Variants in YPEL2 observed in about 807,000 individuals in gnomAD.
YPEL2 encodes the protein protein yippee-like 2.
YPEL2 carries 2 observed loss-of-function variants against 19.1 expected under a neutral mutation model. The observed-to-expected ratio is 0.10, with a 90% confidence interval of 0.04 to 0.33. The LOEUF is 0.33. YPEL2 is among the 10% of genes least tolerant of loss of function. The pLI, the probability that YPEL2 is intolerant of heterozygous loss-of-function variation, is 1.00. For missense variants in YPEL2, 66 were observed against 140.7 expected, an observed-to-expected ratio of 0.47 and a Z score of 2.68; for synonymous variants, 52 against 50.0, an observed-to-expected ratio of 1.04 and a Z score of -0.17.
chr17:59,359,294 C>T (rs959443421), intron 2 of YPEL2, among the ~76,000 whole-genome samples: 1 of 152,130 alleles, frequency 6.6e-6, no homozygotes, highest in African/African-American at 2.4e-5. Context: ...TCCTGAAAAC[C>T]TCATGTAAAT....
At chr17:59,341,566 G>A (rs2047731187) in intron 1 of YPEL2, among the ~76,000 whole-genome samples, 1 of 152,174 alleles carries the variant, frequency 6.6e-6, no homozygotes, top group Admixed American at 6.5e-5. Flanking sequence ...GGCGGAGGCA[G>A]GAGAATTGCT....
chr17:59,364,645 TCTCG>T (rs1183767712), intron 2 of YPEL2, among the ~76,000 whole-genome samples: 1 of 143,166 alleles, frequency 7.0e-6, no homozygotes, highest in Non-Finnish European at 1.5e-5. Flanking sequence ...TGAGACAGAG[TCTCG>T]CTCTATCACC....
intron 1 of YPEL2, among the ~76,000 whole-genome samples, chr17:59,343,376 G>T (rs948635253): frequency 1.3e-5 from 2 of 152,122 alleles, no homozygotes; most frequent in Non-Finnish European, 2.9e-5. Context: ...GGGTTGGGGG[G>T]ATCTGGAAGG....
At chr17:59,358,676 C>T (rs1172607609) in intron 2 of YPEL2, among the ~76,000 whole-genome samples, 2 of 152,032 alleles carry the variant, frequency 1.3e-5, no homozygotes, top group African/African-American at 4.8e-5. Context: ...GTGGCACAAT[C>T]TTGACTTACC....
At chr17:59,332,841 C>T (rs1018069195) in intron 1 of YPEL2, among the ~76,000 whole-genome samples, 1 of 152,176 alleles carries the variant, frequency 6.6e-6, no homozygotes, top group Non-Finnish European at 1.5e-5. Context: ...TGCTTTCTGG[C>T]CTCCTTGCTG....
intron 1 of YPEL2, among the ~76,000 whole-genome samples, chr17:59,335,051 TG>T (rs2047692211): frequency 1.3e-5 from 2 of 152,206 alleles, no homozygotes; most frequent in Non-Finnish European, 2.9e-5. Context: ...TGCATTCCCC[TG>T]AGCATAAAAA....
In YPEL2 at chr17:59,363,311, C is replaced by CT. The variant is rs561707297; in HGVS notation, c.117+9799dup. On this transcript the variant is annotated intron_variant, in intron 2 of 4. Transcript: ENST00000312655. ...CTAAAGACTTACCCTTTTTTTTTTT[C>CT]TTTTTTTTTTTTTTGAGATGGAGTC... The CT allele has an allele frequency of 4.8e-3, 643 of 135,150 alleles. 3 individuals are homozygous for CT. The highest frequency in any genetic ancestry group is 7.3e-3 in the Admixed American group (99 of 13,498). 8.4% of individuals were successfully genotyped at this position (135,150 alleles called of 1,614,324 possible).
At chr17:59,339,778 G>A (rs1234618939) in intron 1 of YPEL2, among the ~76,000 whole-genome samples, 1 of 152,134 alleles carries the variant, frequency 6.6e-6, no homozygotes, top group Non-Finnish European at 1.5e-5. Flanking sequence ...TGTCTGGAAA[G>A]CAGGGGTCAT....
At chr17:59,397,058 C>A in intron 4 of YPEL2, 43 bp from the exon 5 acceptor site, 1 of 1,491,550 alleles carries the variant, frequency 6.7e-7, no homozygotes, top group East Asian at 2.3e-5. Flanking sequence ...ATTTTCTTGT[C>A]TTTGGTCGTT....
At chr17:59,393,078 G>A (rs1012614688) in intron 4 of YPEL2, among the ~76,000 whole-genome samples, 4 of 152,168 alleles carry the variant, frequency 2.6e-5, no homozygotes, top group Admixed American at 2.6e-4. Context: ...CAGGTCTAGT[G>A]CACTTTCCAT....
chr17:59,334,358 C>T (rs1287468425), intron 1 of YPEL2, among the ~76,000 whole-genome samples: 4 of 132,776 alleles, frequency 3.0e-5, no homozygotes, highest in Non-Finnish European at 4.9e-5. Context: ...TGCATAGCCT[C>T]GGGGGAAGGC....
At chr17:59,379,393 C>T (rs919299083) in intron 2 of YPEL2, among the ~76,000 whole-genome samples, 1 of 152,186 alleles carries the variant, frequency 6.6e-6, no homozygotes, top group Non-Finnish European at 1.5e-5. Flanking sequence ...ACTGATCTGA[C>T]CCTTCCCTGC....
intron 2 of YPEL2, among the ~76,000 whole-genome samples, chr17:59,370,223 C>T (rs1007344827): frequency 8.6e-5 from 13 of 151,424 alleles, no homozygotes; most frequent in Non-Finnish European, 1.2e-4. Context: ...CCACCATGCC[C>T]GGCTAATTTT....
intron 1 of YPEL2, among the ~76,000 whole-genome samples, chr17:59,343,444 T>A (rs2047741548): frequency 6.6e-6 from 1 of 152,000 alleles, no homozygotes; most frequent in Non-Finnish European, 1.5e-5. Context: ...TCATGAACAG[T>A]GTGATAAAAT....
At chr17:59,350,443 A>G (rs1030160779) in intron 1 of YPEL2, among the ~76,000 whole-genome samples, 2 of 152,088 alleles carry the variant, frequency 1.3e-5, no homozygotes, top group African/African-American at 4.8e-5. Context: ...GAGCAGAGTG[A>G]CCCTGCCACA....
At chr17:59,386,445 A>C (rs759234836) in intron 2 of YPEL2, among the ~76,000 whole-genome samples, 3 of 151,570 alleles carry the variant, frequency 2.0e-5, no homozygotes, top group Non-Finnish European at 4.4e-5. Flanking sequence ...GAAAGAGGGG[A>C]GCTGAGCTGA....
chr17:59,364,299 A>G (rs1293537772), intron 2 of YPEL2, among the ~76,000 whole-genome samples: 5 of 152,134 alleles, frequency 3.3e-5, no homozygotes, highest in African/African-American at 1.2e-4. Flanking sequence ...CCGACACACC[A>G]CTTTGCACAT....
At chr17:59,334,515 C>T (rs2047689311) in intron 1 of YPEL2, among the ~76,000 whole-genome samples, 1 of 151,298 alleles carries the variant, frequency 6.6e-6, no homozygotes, top group South Asian at 2.1e-4. Context: ...TCCCTGTGTG[C>T]AGGCGAATCT....
intron 1 of YPEL2, among the ~76,000 whole-genome samples, chr17:59,348,131 C>T (rs2047766110): frequency 6.6e-6 from 1 of 152,186 alleles, no homozygotes; most frequent in Non-Finnish European, 1.5e-5. Flanking sequence ...TGCCAGAAGT[C>T]ACGCAGCTAG....
Sources: gnomAD v4.1 joint callset for allele counts (sites outside exome capture counted in the v4.1 genomes callset) on GRCh38, gnomAD v4.1.1 for gene constraint, MANE v1.5 for transcripts, NCBI Gene and HGNC (gene_info 2026-07-23, HGNC 2026-07-21) for gene names.